SCFD2: variants seen among roughly 807,000 people sequenced by gnomAD.
SCFD2 encodes sec1 family domain containing 2.
A neutral mutation model predicts 58.9 loss-of-function variants in SCFD2; 54 were observed. The ratio of observed to expected loss-of-function variants is 0.92; its 90% CI spans 0.74 to 1.15. SCFD2 has a LOEUF of 1.15. Among genes scored for constraint, SCFD2 ranks in the 50% most tolerant of loss-of-function variants. The pLI is 0.00. For synonymous variants in SCFD2, 321 were observed against 335.9 expected (o/e 0.96, Z 0.49); for missense variants, 805 against 836.6 (o/e 0.96, Z 0.47).
chr4:53,146,227 T>A (rs1190110539), intron 4 of SCFD2, among the ~76,000 whole-genome samples: 1 of 152,120 alleles, frequency 6.6e-6, no homozygotes, highest in Admixed American at 6.5e-5. Context: ...ACTTCTCGAG[T>A]GATATTTAGC....
chr4:53,327,164 A>G (rs971353226), intron 2 of SCFD2, among the ~76,000 whole-genome samples: 1 of 152,022 alleles, frequency 6.6e-6, no homozygotes, highest in African/African-American at 2.4e-5. Context: ...GTGAGCGGGT[A>G]TCGTCTTGGG....
chr4:53,338,596 T>TTTTTG, intron 2 of SCFD2, among the ~76,000 whole-genome samples: 1 of 128,088 alleles, frequency 7.8e-6, no homozygotes, highest in South Asian at 2.7e-4. Flanking sequence ...TTTTTTTTTT[T>TTTTTG]GTGAGATGGA....
chr4:53,149,248 A>G (rs1726433292), intron 4 of SCFD2, among the ~76,000 whole-genome samples: 1 of 152,330 alleles, frequency 6.6e-6, no homozygotes, highest in East Asian at 1.9e-4. Context: ...GGGATGGGGA[A>G]AGGAAAATTC....
intron 1 of SCFD2, among the ~76,000 whole-genome samples, chr4:53,356,434 T>G (rs1168796372): frequency 3.3e-5 from 5 of 152,018 alleles, no homozygotes; most frequent in Admixed American, 6.6e-5. Context: ...TAGACATATA[T>G]AGAGAGAGAG....
At chr4:53,250,693 C>A (rs994233940) in intron 4 of SCFD2, among the ~76,000 whole-genome samples, 1 of 152,080 alleles carries the variant, frequency 6.6e-6, no homozygotes, top group African/African-American at 2.4e-5. Flanking sequence ...TCTTTGAAAC[C>A]AACGACAACA....
intron 4 of SCFD2, among the ~76,000 whole-genome samples, chr4:53,184,798 G>A (rs1335250562): frequency 2.0e-5 from 3 of 151,972 alleles, no homozygotes; most frequent in Non-Finnish European, 4.4e-5. Flanking sequence ...GTTATCATGA[G>A]GCTTTGTAGA....
chr4:52,899,708 T>C (rs1391297303), intron 7 of SCFD2, among the ~76,000 whole-genome samples: 1 of 152,246 alleles, frequency 6.6e-6, no homozygotes, highest in East Asian at 1.9e-4. Context: ...CCTTGCTAGA[T>C]TGGGGAAGTT....
intron 5 of SCFD2, among the ~76,000 whole-genome samples, chr4:52,942,734 C>T (rs1370531084): frequency 2.0e-5 from 3 of 151,992 alleles, no homozygotes; most frequent in Non-Finnish European, 4.4e-5. Flanking sequence ...AGGAGAAGTA[C>T]AGAAGGGAGA....
At chr4:53,315,007 C>T (rs17082591) in intron 2 of SCFD2, among the ~76,000 whole-genome samples, 2,538 of 152,060 alleles carry the variant, frequency 0.017, 78 homozygotes, top group African/African-American at 0.058. Flanking sequence ...TTTTAAAAAG[C>T]TTTGAATGGC....
intron 4 of SCFD2, among the ~76,000 whole-genome samples, chr4:53,239,424 G>GAGA (rs1729816232): frequency 7.3e-6 from 1 of 136,844 alleles, no homozygotes; most frequent in Non-Finnish European, 1.6e-5. Context: ...GGGAGAGGAG[G>GAGA]GAGAGGAGGG....
chr4:53,220,043 C>T (rs1560393290), intron 4 of SCFD2, among the ~76,000 whole-genome samples: 2 of 152,080 alleles, frequency 1.3e-5, no homozygotes, highest in Admixed American at 6.5e-5. Context: ...CTATCTCTCC[C>T]CAGTCAGCCT....
intron 5 of SCFD2, among the ~76,000 whole-genome samples, chr4:52,930,648 G>A (rs1719970558): frequency 6.6e-6 from 1 of 152,082 alleles, no homozygotes; most frequent in Non-Finnish European, 1.5e-5. Flanking sequence ...TCTGACTGCC[G>A]TAACTGTAAA....
intron 5 of SCFD2, among the ~76,000 whole-genome samples, chr4:52,923,813 C>G (rs566372828): frequency 1.3e-5 from 2 of 152,232 alleles, no homozygotes; most frequent in Non-Finnish European, 2.9e-5. Flanking sequence ...TGGCATCACA[C>G]TTCAGTTGAA....
chr4:52,878,784 G>A (rs1327124733), intron 8 of SCFD2, among the ~76,000 whole-genome samples: 2 of 152,128 alleles, frequency 1.3e-5, no homozygotes, highest in South Asian at 2.1e-4. Flanking sequence ...GCAACCAAGG[G>A]CACTGAAGAA....
chr4:53,208,883 T>G (rs112161338), intron 4 of SCFD2, among the ~76,000 whole-genome samples: 2,508 of 152,266 alleles, frequency 0.016, 43 homozygotes, highest in Non-Finnish European at 0.024. Flanking sequence ...CTCGGCCCTT[T>G]GAAAGTTTGC....
At chr4:53,338,310 TG>T (rs1733744143) in intron 2 of SCFD2, among the ~76,000 whole-genome samples, 3 of 152,202 alleles carry the variant, frequency 2.0e-5, no homozygotes, top group Admixed American at 1.3e-4. Flanking sequence ...TAAAAAGTAC[TG>T]GAAGAAATAA....
chr4:52,969,065 C>A (rs1162316613), intron 5 of SCFD2, among the ~76,000 whole-genome samples: 2 of 152,164 alleles, frequency 1.3e-5, no homozygotes, highest in African/African-American at 4.8e-5. Context: ...GTCCAATCAC[C>A]CTGGCCTGTC....
chr4:53,006,293 C>T (rs757369271), intron 5 of SCFD2, among the ~76,000 whole-genome samples: 43 of 152,302 alleles, frequency 2.8e-4, no homozygotes, highest in Middle Eastern at 6.8e-3. Context: ...CTTCCTTTCA[C>T]CTTGCTCCAC....
intron 2 of SCFD2, among the ~76,000 whole-genome samples, chr4:53,344,256 G>C (rs557262713): frequency 1.3e-5 from 2 of 152,228 alleles, no homozygotes; most frequent in South Asian, 4.1e-4. Context: ...CAAAGTCTCA[G>C]GATACAAAAT....
Sources: gnomAD v4.1 joint callset for allele counts (sites outside exome capture counted in the v4.1 genomes callset) on GRCh38, gnomAD v4.1.1 for gene constraint, MANE v1.5 for transcripts, NCBI Gene and HGNC (gene_info 2026-07-23, HGNC 2026-07-21) for gene names.